SMIM10L3: variants seen among roughly 807,000 people sequenced by gnomAD.
SMIM10L3 encodes salivary gland specific protein SAGSIN1.
chr7:6,334,857 C>T, the SMIM10L3 span, among the ~76,000 whole-genome samples: 1 of 152,038 alleles, frequency 6.6e-6, no homozygotes, highest in African/African-American at 2.4e-5. Flanking sequence ...CAACCTCCAC[C>T]TCCTGGGTTC....
the SMIM10L3 span, chr7:6,329,574 C>A: frequency 6.4e-6 from 1 of 155,268 alleles, no homozygotes; most frequent in Non-Finnish European, 1.5e-5. Context: ...TCTTTAAAAA[C>A]TTATGTCCTT....
chr7:6,330,319 A>C, the SMIM10L3 span: 15 of 1,509,790 alleles, frequency 9.9e-6, no homozygotes, highest in Non-Finnish European at 1.3e-5. Flanking sequence ...AATGCGAAAG[A>C]AATCATTCTA....
the SMIM10L3 span, among the ~76,000 whole-genome samples, chr7:6,347,094 A>T: frequency 2.0e-5 from 3 of 152,228 alleles, no homozygotes; most frequent in African/African-American, 7.2e-5. Flanking sequence ...TGGGAGGGCA[A>T]GGCAGGAGGA....
the SMIM10L3 span, among the ~76,000 whole-genome samples, chr7:6,334,746 G>A: frequency 3.9e-4 from 60 of 152,050 alleles, no homozygotes; most frequent in South Asian, 1.9e-3. Flanking sequence ...GATTACAGGC[G>A]TGAGCCACCA....
the SMIM10L3 span, among the ~76,000 whole-genome samples, chr7:6,336,667 G>C: frequency 2.0e-5 from 3 of 148,030 alleles, no homozygotes; most frequent in African/African-American, 7.5e-5. Context: ...CTGAGAGAGC[G>C]AGCAAGACTT....
At chr7:6,335,854 G>A in the SMIM10L3 span, among the ~76,000 whole-genome samples, 1 of 152,002 alleles carries the variant, frequency 6.6e-6, no homozygotes, top group Non-Finnish European at 1.5e-5. Flanking sequence ...GGGCAACACA[G>A]CAAGACCCTG....
the SMIM10L3 span, among the ~76,000 whole-genome samples, chr7:6,343,397 CATATAT>C: frequency 0.071 from 6,059 of 85,520 alleles, 244 homozygotes; most frequent in Middle Eastern, 0.1. Flanking sequence ...ATAATAATTT[CATATAT>C]ATATATATAT....
At chr7:6,332,045 G>A in the SMIM10L3 span, among the ~76,000 whole-genome samples, 1 of 151,144 alleles carries the variant, frequency 6.6e-6, no homozygotes, top group Non-Finnish European at 1.5e-5. Flanking sequence ...CCAGGAGGTG[G>A]AAGTAGCTGT....
chr7:6,330,095 C>G, the SMIM10L3 span: 1 of 383,498 alleles, frequency 2.6e-6, no homozygotes, highest in East Asian at 5.8e-5. Context: ...ATGGTAAATC[C>G]GTATGTTCTA....
the SMIM10L3 span, chr7:6,329,995 TCCACTTC>T: frequency 4.4e-6 from 1 of 225,376 alleles, no homozygotes; most frequent in Non-Finnish European, 9.5e-6. Flanking sequence ...TTTACAAGTA[TCCACTTC>T]CATTGGGTGA....
the SMIM10L3 span, among the ~76,000 whole-genome samples, chr7:6,344,902 C>T: frequency 2.0e-5 from 3 of 151,716 alleles, no homozygotes; most frequent in South Asian, 2.1e-4. Context: ...CCGCCATGCC[C>T]GGCTAATTTT....
the SMIM10L3 span, among the ~76,000 whole-genome samples, chr7:6,341,145 A>C: frequency 6.8e-6 from 1 of 147,554 alleles, no homozygotes; most frequent in African/African-American, 2.5e-5. Context: ...CTCTGTCCCA[A>C]AAAAAAAAAT....
the SMIM10L3 span, among the ~76,000 whole-genome samples, chr7:6,342,387 A>C: frequency 2.0e-5 from 3 of 151,940 alleles, no homozygotes; most frequent in African/African-American, 7.3e-5. Context: ...TCTACTAAAA[A>C]TACAAACATT....
At chr7:6,332,862 G>A in the SMIM10L3 span, among the ~76,000 whole-genome samples, 1 of 152,084 alleles carries the variant, frequency 6.6e-6, no homozygotes, top group Non-Finnish European at 1.5e-5. Flanking sequence ...ACCGCATTAA[G>A]ATTTGTTATA....
At chr7:6,339,633 G>A in the SMIM10L3 span, among the ~76,000 whole-genome samples, 4 of 150,548 alleles carry the variant, frequency 2.7e-5, no homozygotes, top group Non-Finnish European at 3.0e-5. Flanking sequence ...ACAGGCGCCC[G>A]CCACCACGCC....
chr7:6,332,582 C>G, the SMIM10L3 span, among the ~76,000 whole-genome samples: 2 of 152,130 alleles, frequency 1.3e-5, no homozygotes, highest in Non-Finnish European at 2.9e-5. Context: ...GCTATAGTCC[C>G]AGATTCTCAG....
chr7:6,346,048 C>T, the SMIM10L3 span, among the ~76,000 whole-genome samples: 1 of 152,090 alleles, frequency 6.6e-6, no homozygotes, highest in African/African-American at 2.4e-5. Context: ...GGATTACAGG[C>T]ATGAGACACC....
the SMIM10L3 span, among the ~76,000 whole-genome samples, chr7:6,335,835 G>C: frequency 6.6e-6 from 1 of 152,036 alleles, no homozygotes; most frequent in Non-Finnish European, 1.5e-5. Flanking sequence ...AGGGGTGTGA[G>C]ACCAGCCTGG....
chr7:6,344,903 G>A, the SMIM10L3 span, among the ~76,000 whole-genome samples: 4 of 151,864 alleles, frequency 2.6e-5, no homozygotes, highest in East Asian at 7.8e-4. Context: ...CGCCATGCCC[G>A]GCTAATTTTT....
Sources: allele counts gnomAD v4.1 joint callset (sites outside exome capture counted in the v4.1 genomes callset), GRCh38; gene constraint gnomAD v4.1.1; transcripts MANE v1.5; gene names NCBI Gene and HGNC (gene_info 2026-07-23, HGNC 2026-07-21).